MACROD2: variants seen among roughly 807,000 people sequenced by gnomAD.
MACROD2 encodes mono-ADP ribosylhydrolase 2.
MACROD2 carries 36 observed loss-of-function variants against 70.4 expected under a neutral mutation model. The observed-to-expected ratio is 0.51, with a 90% CI of 0.39 to 0.68. The LOEUF (loss-of-function observed/expected upper bound fraction) is 0.68, where lower values mean the gene tolerates loss of function less well. Ranked by LOEUF, MACROD2 falls within the 30% of genes least tolerant of loss-of-function variation. The pLI, the probability that MACROD2 is intolerant of heterozygous loss-of-function variation, is 0.00. For synonymous variants in MACROD2, 172 were observed against 178.8 expected, an observed-to-expected ratio of 0.96 and a Z score of 0.30; for missense variants, 496 against 538.4, an observed-to-expected ratio of 0.92 and a Z score of 0.78.
intron 5 of MACROD2, chr20:14,906,097 C>T (rs1298683488): frequency 6.6e-6 from 1 of 151,976 alleles, no homozygotes; most frequent in Non-Finnish European, 1.5e-5. Flanking sequence ...AAAAGTGATG[C>T]CTTTATAAGA....
Position 14,062,172 on chromosome 20 carries a change from A to T in MACROD2, c.164-23449A>T, listed in dbSNP as rs572957157. 2.0e-5 allele frequency among the ~76,000 whole-genome samples: 3 copies of T among 152,238 alleles called. No individual in the cohort carries two copies. In the South Asian group the frequency reaches 6.2e-4, roughly 32 times the overall value. ...ATTGTTCACTAAAATATTTTAAGTGATTGACTTTGAAAGTGTCCTTTGTTT... is the reference window on the plus strand; with the variant it reads ...ATTGTTCACTAAAATATTTTAAGTGTTTGACTTTGAAAGTGTCCTTTGTTT... On this transcript the variant is annotated intron_variant, in intron 2 of 17. Coordinates refer to ENST00000684519, the MANE Select transcript of MACROD2 (RefSeq NM_001351661.2).
intron 8 of MACROD2, among the ~76,000 whole-genome samples, chr20:15,654,846 C>T (rs1886244820): frequency 6.6e-6 from 1 of 152,154 alleles, no homozygotes. Flanking sequence ...CCAAGCAGTC[C>T]TTGCTTTGTC....
At chr20:15,462,804 A>C (rs1422377939) in intron 7 of MACROD2, among the ~76,000 whole-genome samples, 1 of 152,172 alleles carries the variant, frequency 6.6e-6, no homozygotes, top group Non-Finnish European at 1.5e-5. Flanking sequence ...TGTGGGAACT[A>C]TAATTGCCAC....
intron 3 of MACROD2, among the ~76,000 whole-genome samples, chr20:14,207,361 A>G (rs1200522775): frequency 1.3e-5 from 2 of 152,136 alleles, no homozygotes; most frequent in African/African-American, 4.8e-5. Flanking sequence ...TGGCCTCCCA[A>G]AGTGCTGGGA....
chr20:15,597,133 G>A (rs2048756531), intron 8 of MACROD2, among the ~76,000 whole-genome samples: 1 of 152,202 alleles, frequency 6.6e-6, no homozygotes, highest in African/African-American at 2.4e-5. Context: ...GAAGATAGGT[G>A]CTGGTATATG....
At chr20:15,540,344 C>G (rs986479258) in intron 8 of MACROD2, among the ~76,000 whole-genome samples, 3 of 152,112 alleles carry the variant, frequency 2.0e-5, no homozygotes, top group Non-Finnish European at 4.4e-5. Flanking sequence ...AATGACATGG[C>G]CAGATTTGCC....
chr20:14,476,458 C>A (rs149437475), intron 3 of MACROD2, among the ~76,000 whole-genome samples: 2 of 152,228 alleles, frequency 1.3e-5, no homozygotes, highest in African/African-American at 4.8e-5. Flanking sequence ...CAGGCTCAAG[C>A]GATTCTCATG....
intron 5 of MACROD2, among the ~76,000 whole-genome samples, chr20:15,049,103 A>G (rs2075418895): frequency 6.6e-6 from 1 of 152,136 alleles, no homozygotes; most frequent in Admixed American, 6.6e-5. Context: ...AAAGAACATT[A>G]TAGGAACAGA....
At chr20:15,023,035 C>T (rs914913731) in intron 5 of MACROD2, 1 of 151,790 alleles carries the variant, frequency 6.6e-6, no homozygotes, top group African/African-American at 2.4e-5. Flanking sequence ...AGTCATGCAC[C>T]ACAATTCTAT....
At chr20:15,745,262 A>C (rs987633263) in intron 8 of MACROD2, among the ~76,000 whole-genome samples, 1 of 152,156 alleles carries the variant, frequency 6.6e-6, no homozygotes, top group African/African-American at 2.4e-5. Flanking sequence ...ACAGAACTGG[A>C]ATTGTTAGGT....
chr20:14,232,316 C>T (rs1038908489), intron 3 of MACROD2, among the ~76,000 whole-genome samples: 2 of 152,182 alleles, frequency 1.3e-5, no homozygotes, highest in African/African-American at 4.8e-5. Context: ...GAGAGTTAGC[C>T]TGTCTTTTGA....
chr20:15,922,110 C>A (rs1219113713), intron 10 of MACROD2, among the ~76,000 whole-genome samples: 2 of 152,208 alleles, frequency 1.3e-5, no homozygotes, highest in African/African-American at 4.8e-5. Flanking sequence ...AGAGAAGAAG[C>A]CTCTGGTGCA....
At chr20:15,282,952 C>T (rs2077458802) in intron 6 of MACROD2, among the ~76,000 whole-genome samples, 2 of 152,128 alleles carry the variant, frequency 1.3e-5, no homozygotes, top group South Asian at 4.1e-4. Flanking sequence ...TGTTGGGAGG[C>T]CTCAGGAAAC....
intron 6 of MACROD2, among the ~76,000 whole-genome samples, chr20:15,342,397 T>G (rs1419341274): frequency 6.6e-6 from 1 of 152,114 alleles, no homozygotes; most frequent in African/African-American, 2.4e-5. Flanking sequence ...TATTTTGACA[T>G]TTTTTGTGTT....
chr20:15,240,029 G>A (rs1165256543), intron 6 of MACROD2, among the ~76,000 whole-genome samples: 3 of 152,226 alleles, frequency 2.0e-5, no homozygotes, highest in African/African-American at 7.2e-5. Flanking sequence ...CAGCAGGGGG[G>A]TTTACCTCCA....
At chr20:15,879,620 T>C (rs143665716) in intron 9 of MACROD2, among the ~76,000 whole-genome samples, 3 of 152,318 alleles carry the variant, frequency 2.0e-5, no homozygotes, top group Admixed American at 6.5e-5. Flanking sequence ...CAAAGTTGTT[T>C]AATCACTCTA....
intron 3 of MACROD2, among the ~76,000 whole-genome samples, chr20:14,423,434 T>A (rs2083897259): frequency 6.6e-6 from 1 of 151,662 alleles, no homozygotes; most frequent in Non-Finnish European, 1.5e-5. Flanking sequence ...GAGCGGTGGC[T>A]CACGCCTGTA....
In MACROD2 at chr20:15,971,809, C is replaced by T. The variant is rs550795366; in HGVS notation, c.985+4179C>T. Among the ~76,000 whole-genome samples, 9 of 152,224 alleles carry T rather than the reference C, an allele frequency of 5.9e-5. No individual in the cohort carries two copies. The South Asian group carries it at 1.9e-3, about 32-fold the overall frequency. ...TGTCAGCATCCATGGAACTGTGGCT[C>T]AAGCAGGGTAAAATCTCAGAGTCTT... On this transcript the variant is annotated intron_variant, in intron 13 of 17. Coordinates refer to ENST00000684519, the MANE Select transcript of MACROD2 (RefSeq NM_001351661.2).
intron 8 of MACROD2, among the ~76,000 whole-genome samples, chr20:15,714,005 A>G (rs867622856): frequency 0.046 from 6,949 of 150,848 alleles, 534 homozygotes; most frequent in African/African-American, 0.16. Flanking sequence ...ACACACACAC[A>G]CACACACACA....
Sources: allele counts gnomAD v4.1 joint callset (sites outside exome capture counted in the v4.1 genomes callset), GRCh38; gene constraint gnomAD v4.1.1; transcripts MANE v1.5; gene names NCBI Gene and HGNC (gene_info 2026-07-23, HGNC 2026-07-21).